RGS2: variants seen among roughly 807,000 people sequenced by gnomAD.
RGS2 encodes regulator of G protein signaling 2.
In RGS2, 20 loss-of-function variants were observed where a neutral mutation model predicts 26.6. The observed-to-expected ratio is 0.75, with a 90% confidence interval of 0.53 to 1.09. RGS2 has a LOEUF of 1.09. Among genes scored for constraint, RGS2 ranks in the 50% least tolerant of loss-of-function variants. RGS2 has a pLI of 0.00. For missense variants in RGS2, 246 were observed against 245.5 expected, an observed-to-expected ratio of 1.00 and a Z score of -0.01; for synonymous variants, 97 against 79.9, an observed-to-expected ratio of 1.21 and a Z score of -1.14.
In RGS2 at chr1:192,811,959, C is replaced by A; in HGVS notation, c.*363C>A. On this transcript the variant is annotated 3_prime_UTR_variant, in exon 5 of 5. Coordinates refer to ENST00000235382, the MANE Select transcript of RGS2 (RefSeq NM_002923.4). The stretch of plus-strand genomic sequence containing the variant: ...ATGTGGCCTTAGGTAGCTGGTTGTA[C>A]ATCTTTCCCTAAATCGATCCATGTT... 3.1e-6 allele frequency: 1 copy of A among 321,954 alleles called. No homozygotes were observed. Among genetic ancestry groups the A allele is most frequent in the South Asian group, 2.9e-5 (1 of 35,044 alleles). 19.9% of individuals were successfully genotyped at this position (321,954 alleles called of 1,614,324 possible).
At chr1:192,809,212 C>T (rs927759277) in intron 1 of RGS2, 31 bp downstream of exon 1, 5 of 1,455,922 alleles carry the variant, frequency 3.4e-6, no homozygotes, top group African/African-American at 2.8e-5. Flanking sequence ...TCTCCCGCCA[C>T]CCCCTGCCCC....
At position 192,810,163 on chromosome 1, in the gene RGS2, T is replaced by C. The variant is rs757007105; in HGVS notation, c.111-3T>C. On this transcript the variant is annotated splice_polypyrimidine_tract_variant and splice_region_variant and intron_variant, in intron 1 of 4. Transcript: ENST00000235382. ...TAATTATCTTTTTAATTTTTTGTTT[T>C]AGTTTAAAAGATTGGAAGACCCGTT... The C allele has an allele frequency of 6.3e-7, 1 of 1,579,952 alleles. No homozygotes were observed. Among genetic ancestry groups the C allele is most frequent in the South Asian group, 1.1e-5 (1 of 90,380 alleles).
rs753768872 is a variant in RGS2 at position 192,811,249 on chromosome 1, C to CA, written c.441+102_441+103insA. On this transcript the variant is annotated intron_variant, in intron 4 of 4. Coordinates refer to ENST00000235382, the MANE Select transcript of RGS2 (RefSeq NM_002923.4). ...AAGCGGGCTAGGAGGGGTAAAAAGT[C>CA]CCTCCACGTTGTAGCTTTCAGTTAT... The CA allele has an allele frequency of 2.9e-4, 417 of 1,414,592 alleles. 1 individual carries two copies. Among genetic ancestry groups the CA allele is most frequent in the Admixed American group, 4.5e-4 (26 of 58,410 alleles). 87.6% of individuals were successfully genotyped at this position (1,414,592 alleles called of 1,614,324 possible). A position where few individuals can be genotyped will look rare whatever the true frequency, so the allele number is the denominator to read the frequency against.
In RGS2 at chr1:192,810,380, G is replaced by A. The variant is rs1263408751; in HGVS notation, c.223G>A (p.Glu75Lys). The change falls in exon 3 of 5, where the codon GAG becomes AAG. Residue 75 changes from glutamate (E) to lysine (K), a missense_variant. Physicochemically the swap from Glu to Lys is moderately conservative, Grantham distance 56. Transcript: ENST00000235382. ...KQQAFIKPSP[E>K]EAQLWSEAFD... ...GAACCTCTCTTGCAGGCCTTCTCCT[G>A]AGGAAGCACAGCTGTGGTCAGAAGC... The A allele has an allele frequency of 5.6e-6, 9 of 1,614,198 alleles. No individual in the cohort carries two copies. The highest frequency in any genetic ancestry group is 1.7e-5 in the Admixed American group (1 of 60,030).
rs756087171 is a variant in RGS2 at position 192,810,181 on chromosome 1, G to A, written c.126G>A (p.Lys42=). 6.2e-7 allele frequency: 1 copy of A among 1,609,800 alleles called. No homozygotes were observed. Among genetic ancestry groups the A allele is most frequent in the East Asian group, 2.2e-5 (1 of 44,882 alleles). Residue 42 remains lysine (K), a synonymous_variant, in exon 2 of 5, where the codon AAG becomes AAA. Transcript: ENST00000235382. ...KMKRTLLKDW[K]TRLSYFLQNS... ...TTTGTTTTAGTTTAAAAGATTGGAA[G>A]ACCCGTTTGAGCTACTTCTTACAAA...
In RGS2 at chr1:192,810,199, C is replaced by G. The variant is rs530898528; in HGVS notation, c.144C>G (p.Phe48Leu). Residue 48 changes from phenylalanine (F) to leucine (L), a missense_variant, in exon 2 of 5, where the codon TTC becomes TTG. Phe to Leu is a conservative substitution (Grantham distance 22). Coordinates refer to ENST00000235382, the MANE Select transcript of RGS2 (RefSeq NM_002923.4). ...ATTGGAAGACCCGTTTGAGCTACTT[C>G]TTACAAAATTCCTCTACTCCTGGGA... ...LKDWKTRLSY[F>L]LQNSSTPGKP... The G allele has an allele frequency of 1.1e-5, 18 of 1,613,536 alleles. 1 individual carries two copies. The African/African-American group carries it at 1.7e-4, about 16-fold the overall frequency.
At chr1:192,809,348 C>A in intron 1 of RGS2, 167 bp downstream of exon 1, 1 of 670,320 alleles carries the variant, frequency 1.5e-6, no homozygotes, top group Non-Finnish European at 2.8e-6. Context: ...CTGGGTGATG[C>A]TCGGGTACAG....
Position 192,810,970 on chromosome 1 carries a change from C to A in RGS2, c.275-11C>A. The A allele has an allele frequency of 6.2e-7, 1 of 1,612,900 alleles. No individual in the cohort carries two copies. The highest frequency in any genetic ancestry group is 8.5e-7 in the Non-Finnish European group (1 of 1,178,916). ...TCACATTCTGCATGCTCTCTTTTCT[C>A]CCCCCTTCAGATGGTCTTGCTGCAT... On this transcript the variant is annotated splice_polypyrimidine_tract_variant and intron_variant, in intron 3 of 4. Transcript: ENST00000235382.
Position 192,811,990 on chromosome 1 carries a change from A to G in RGS2, c.*394A>G, listed in dbSNP as rs139141127. 1.3e-4 allele frequency: 37 copies of G among 284,386 alleles called. 2 individuals are homozygous for G. Among genetic ancestry groups the G allele is most frequent in the Admixed American group, 9.2e-4 (19 of 20,636 alleles). The allele number at this position is 284,386 out of a possible 1,614,324, so 17.6% of individuals were successfully genotyped here. A position where few individuals can be genotyped will look rare whatever the true frequency, so the allele number is the denominator to read the frequency against. ...TCCCTAAATCGATCCATGTTACCAC[A>G]TAGTAGTTTTAGTTTAGGATTCAGT... On this transcript the variant is annotated 3_prime_UTR_variant, in exon 5 of 5. Transcript: ENST00000235382.
chr1:192,811,047 T>A lies in RGS2; in HGVS notation c.341T>A (p.Leu114Gln). 6.2e-7 allele frequency: 1 copy of A among 1,614,162 alleles called. No homozygotes were observed. Reference sequence around the variant, plus strand: ...TGTGAAGAAAATATTGAATTCTGGCTGGCCTGTGAAGACTTCAAAAAAACC... The same window carrying A: ...TGTGAAGAAAATATTGAATTCTGGCAGGCCTGTGAAGACTTCAAAAAAACC... ...EFCEENIEFW[L>Q]ACEDFKKTKS... Residue 114 changes from leucine (L) to glutamine (Q), a missense_variant, in exon 4 of 5, where the codon CTG becomes CAG. By Grantham distance (113) the Leu-to-Gln change is moderately radical. Coordinates refer to ENST00000235382, the MANE Select transcript of RGS2 (RefSeq NM_002923.4).
intron 4 of RGS2, 94 bp downstream of exon 4, chr1:192,811,241 T>TAA: frequency 6.9e-7 from 1 of 1,454,510 alleles, no homozygotes; most frequent in South Asian, 1.2e-5. Context: ...CTAGGAGGGG[T>TAA]AAAAAGTCCC....
At position 192,810,276 on chromosome 1, in the gene RGS2, A is replaced by G. The variant is rs376366314; in HGVS notation, c.212+9A>G. 23 of 1,611,400 alleles carry G rather than the reference A, an allele frequency of 1.4e-5. No individual in the cohort carries two copies. The African/African-American group carries it at 2.9e-4, about 21-fold the overall frequency. On this transcript the variant is annotated intron_variant, in intron 2 of 4. Coordinates refer to ENST00000235382, the MANE Select transcript of RGS2 (RefSeq NM_002923.4). ...CAGCAAGCTTTCATCAAGTAAGTTG[A>G]GAATCCTGTGCTTGCAAATATCAAT... is the stretch of plus-strand genomic sequence containing the variant.
At chr1:192,811,251 CT>C in intron 4 of RGS2, 104 bp downstream of exon 4, 1 of 1,408,398 alleles carries the variant, frequency 7.1e-7, no homozygotes, top group South Asian at 1.2e-5. Flanking sequence ...TAAAAAGTCC[CT>C]CCACGTTGTA....
Position 192,810,148 on chromosome 1 carries a change from T to C in RGS2, c.111-18T>C. The C allele has an allele frequency of 2.0e-6, 3 of 1,482,394 alleles. No individual in the cohort carries two copies. Among genetic ancestry groups the C allele is most frequent in the East Asian group, 2.3e-5 (1 of 44,202 alleles). 91.8% of individuals were successfully genotyped at this position (1,482,394 alleles called of 1,614,324 possible). A position where few individuals can be genotyped will look rare whatever the true frequency, so the allele number is the denominator to read the frequency against. ...AGTGTTGCTAGTTAGTAATTATCTT[T>C]TTAATTTTTTGTTTTAGTTTAAAAG... On this transcript the variant is annotated intron_variant, in intron 1 of 4. Transcript: ENST00000235382.
Position 192,811,509 on chromosome 1 carries a change from C to T in RGS2, c.549C>T (p.Asn183=), listed in dbSNP as rs764628956. 2.5e-6 allele frequency: 4 copies of T among 1,613,964 alleles called. No individual in the cohort carries two copies. Among genetic ancestry groups the T allele is most frequent in the Non-Finnish European group, 3.4e-6 (4 of 1,179,956 alleles). Residue 183 remains asparagine (N), a synonymous_variant, in exon 5 of 5, where the codon AAC becomes AAT. Coordinates refer to ENST00000235382, the MANE Select transcript of RGS2 (RefSeq NM_002923.4). Reference sequence around the variant, plus strand: ...AAAGGGTATACAGCTTGATGGAGAACAACTCTTATCCTCGTTTCTTGGAGT... The same window carrying T: ...AAAGGGTATACAGCTTGATGGAGAATAACTCTTATCCTCGTTTCTTGGAGT... ...AQKRVYSLME[N]NSYPRFLESE... is the part of the protein sequence containing the mutation.
chr1:192,812,059 T>A lies in RGS2; in HGVS notation c.*463T>A. On this transcript the variant is annotated 3_prime_UTR_variant, in exon 5 of 5. Transcript: ENST00000235382. ...ATGTGCAACGGTATTGAAGTTCTTA[T>A]GACCACAGATCATCAGTACTGTTGT... The A allele has an allele frequency of 4.6e-6, 1 of 217,974 alleles. No individual in the cohort carries two copies. The allele number at this position is 217,974 out of a possible 1,614,324, so 13.5% of individuals were successfully genotyped here.
At chr1:192,810,036 A>G in intron 1 of RGS2, 130 bp from the exon 2 acceptor site, 2 of 686,550 alleles carry the variant, frequency 2.9e-6, no homozygotes, top group South Asian at 1.6e-5. Context: ...TTATTTGAAG[A>G]GTTCTTGCTT....
intron 1 of RGS2, chr1:192,809,494 G>T (rs913726827): frequency 2.4e-6 from 1 of 415,554 alleles, no homozygotes; most frequent in Non-Finnish European, 4.6e-6. Context: ...GCATTCATAC[G>T]TTGCATGATG....
rs1665594659 is a variant in RGS2 at position 192,811,641 on chromosome 1, C to G, written c.*45C>G. ...AAATGGAGGACATTTCATTCTTTTT[C>G]CTGAGGGGAAGGACTGTGACCTGCC... is the stretch of plus-strand genomic sequence containing the variant. On this transcript the variant is annotated 3_prime_UTR_variant, in exon 5 of 5. Coordinates refer to ENST00000235382, the MANE Select transcript of RGS2 (RefSeq NM_002923.4). The G allele has an allele frequency of 6.4e-7, 1 of 1,569,998 alleles. No homozygotes were observed. Among genetic ancestry groups the G allele is most frequent in the Non-Finnish European group, 8.8e-7 (1 of 1,140,028 alleles).
Sources: allele counts gnomAD v4.1 joint callset, GRCh38; gene constraint gnomAD v4.1.1; transcripts MANE v1.5; gene names NCBI Gene and HGNC (gene_info 2026-07-23, HGNC 2026-07-21).